GRIN2B: variants seen among roughly 807,000 people sequenced by gnomAD.
GRIN2B encodes the protein glutamate ionotropic receptor NMDA type subunit 2B, also known as glutamate receptor ionotropic, NMDA 2B.
Under a neutral mutation model 114.5 loss-of-function variants are expected in GRIN2B, and 5 were observed. The observed-to-expected ratio is 0.04, with a 90% CI of 0.02 to 0.09. The LOEUF is 0.09. GRIN2B is among the 10% of genes least tolerant of loss of function. The pLI, the probability that GRIN2B is intolerant of heterozygous loss-of-function variation, is 1.00. For missense variants in GRIN2B, 1,108 were observed against 1,943.5 expected, an observed-to-expected ratio of 0.57 and a Z score of 8.08; for synonymous variants, 787 against 745.1, an observed-to-expected ratio of 1.06 and a Z score of -0.92.
chr12:13,774,703 T>C (rs569848273), intron 3 of GRIN2B, among the ~76,000 whole-genome samples: 53 of 152,316 alleles, frequency 3.5e-4, no homozygotes, highest in Middle Eastern at 6.8e-3. Flanking sequence ...TTTAGCTTTA[T>C]GTATTTCCTT....
At chr12:13,833,949 C>T (rs1044489837) in intron 3 of GRIN2B, among the ~76,000 whole-genome samples, 35 of 150,770 alleles carry the variant, frequency 2.3e-4, no homozygotes, top group African/African-American at 7.3e-4. Context: ...CTTGCTGCCT[C>T]GTGATGTACA....
At chr12:13,917,635 A>G (rs1866755924) in intron 2 of GRIN2B, among the ~76,000 whole-genome samples, 1 of 149,594 alleles carries the variant, frequency 6.7e-6, no homozygotes, top group African/African-American at 2.4e-5. Context: ...CTTCTACGCC[A>G]TGCTTAAGGA....
chr12:13,709,176 A>C (rs991853709), intron 4 of GRIN2B, among the ~76,000 whole-genome samples: 1 of 152,064 alleles, frequency 6.6e-6, no homozygotes, highest in Non-Finnish European at 1.5e-5. Context: ...CAGATTGAGA[A>C]GAACACCAGA....
chr12:13,930,151 TC>T (rs1867000052), intron 2 of GRIN2B, among the ~76,000 whole-genome samples: 1 of 152,122 alleles, frequency 6.6e-6, no homozygotes, highest in African/African-American at 2.4e-5. Context: ...GCCATTGCAC[TC>T]CAGCCTGGGC....
chr12:13,769,379 T>C (rs184717984), intron 3 of GRIN2B, among the ~76,000 whole-genome samples: 11 of 152,286 alleles, frequency 7.2e-5, no homozygotes, highest in Admixed American at 2.0e-4. Flanking sequence ...CTTTTTTTTG[T>C]CACACGGTTC....
In GRIN2B at chr12:13,882,554, G is replaced by A. The variant is rs552092594; in HGVS notation, c.-18-16328C>T. Among the ~76,000 whole-genome samples, 18 of 152,172 alleles carry A rather than the reference G, an allele frequency of 1.2e-4. No individual in the cohort carries two copies. In the East Asian group the frequency reaches 3.1e-3, roughly 26 times the overall value. ...ATTTAGCCTCTCTGAACCTCAGAGA[G>A]GCTCATCTCTAAAATATAAGCAACA... On this transcript the variant is annotated intron_variant, in intron 2 of 13. Transcript: ENST00000609686.
chr12:13,692,332 A>T (rs1457840126), intron 4 of GRIN2B, among the ~76,000 whole-genome samples: 1 of 152,136 alleles, frequency 6.6e-6, no homozygotes, highest in African/African-American at 2.4e-5. Context: ...GAATCCTATT[A>T]AAAGTATAGT....
At chr12:13,650,019 G>A (rs915346033) in intron 5 of GRIN2B, among the ~76,000 whole-genome samples, 1 of 152,050 alleles carries the variant, frequency 6.6e-6, no homozygotes, top group Non-Finnish European at 1.5e-5. Context: ...TATACACCAT[G>A]CTGTGTGGTA....
chr12:13,740,217 T>C (rs1230514169), intron 4 of GRIN2B, among the ~76,000 whole-genome samples: 1 of 152,220 alleles, frequency 6.6e-6, no homozygotes, highest in Non-Finnish European at 1.5e-5. Context: ...ATTCTGCTAG[T>C]CTTTTAGGCA....
At chr12:13,671,257 C>T (rs1389822906) in intron 5 of GRIN2B, among the ~76,000 whole-genome samples, 1 of 152,162 alleles carries the variant, frequency 6.6e-6, no homozygotes, top group East Asian at 1.9e-4. Context: ...TGATGTTTGA[C>T]TGTAAAACCT....
At chr12:13,655,822 C>T (rs1409290300) in intron 5 of GRIN2B, among the ~76,000 whole-genome samples, 2 of 152,174 alleles carry the variant, frequency 1.3e-5, no homozygotes, top group African/African-American at 2.4e-5. Flanking sequence ...CTATTACTAA[C>T]ACTTTGTTAT....
At chr12:13,899,355 TAAGAC>T (rs1866406435) in intron 2 of GRIN2B, among the ~76,000 whole-genome samples, 1 of 151,688 alleles carries the variant, frequency 6.6e-6, no homozygotes, top group African/African-American at 2.4e-5. Context: ...TCAATAAAAA[TAAGAC>T]AAGACACTAT....
chr12:13,705,465 T>C (rs542617565), intron 4 of GRIN2B, among the ~76,000 whole-genome samples: 1 of 152,300 alleles, frequency 6.6e-6, no homozygotes, highest in South Asian at 2.1e-4. Context: ...TGAACTTTCA[T>C]GGCAGGAGGC....
At chr12:13,922,959 A>G (rs895738412) in intron 2 of GRIN2B, among the ~76,000 whole-genome samples, 1 of 152,178 alleles carries the variant, frequency 6.6e-6, no homozygotes, top group Non-Finnish European at 1.5e-5. Context: ...ACATTAAACC[A>G]TCTAGCATCA....
chr12:13,932,392 A>G (rs955266992), intron 2 of GRIN2B, among the ~76,000 whole-genome samples: 4 of 152,228 alleles, frequency 2.6e-5, no homozygotes, highest in African/African-American at 9.6e-5. Context: ...TACATGATTA[A>G]TATTTATGTC....
intron 3 of GRIN2B, among the ~76,000 whole-genome samples, chr12:13,822,473 T>G (rs994005672): frequency 2.6e-5 from 4 of 152,098 alleles, no homozygotes; most frequent in Admixed American, 1.3e-4. Context: ...AGATGCAGTG[T>G]GCCAATGAAG....
intron 3 of GRIN2B, among the ~76,000 whole-genome samples, chr12:13,854,720 C>T (rs555214387): frequency 3.3e-4 from 50 of 152,148 alleles, no homozygotes; most frequent in African/African-American, 1.2e-3. Flanking sequence ...GGAGAGAACA[C>T]CCAAACTGCA....
chr12:13,625,528 T>A (rs1591648124), intron 5 of GRIN2B, among the ~76,000 whole-genome samples: 1 of 152,200 alleles, frequency 6.6e-6, no homozygotes, highest in Non-Finnish European at 1.5e-5. Flanking sequence ...TATTTGCTAT[T>A]TTTTCCTCCT....
chr12:13,846,125 A>G (rs1447465242), intron 3 of GRIN2B, among the ~76,000 whole-genome samples: 2 of 152,212 alleles, frequency 1.3e-5, no homozygotes, highest in Non-Finnish European at 2.9e-5. Context: ...AGATTAAGGG[A>G]CTTGCCCAGA....
Sources: allele counts gnomAD v4.1 joint callset (sites outside exome capture counted in the v4.1 genomes callset), GRCh38; gene constraint gnomAD v4.1.1; transcripts MANE v1.5; gene names NCBI Gene and HGNC (gene_info 2026-07-23, HGNC 2026-07-21).